The following FHIP2B variants were observed in gnomAD, a reference collection of about 807,000 sequenced individuals.
FHIP2B encodes the protein FHF complex subunit HOOK-interacting protein 2B.
Under a neutral mutation model 84.0 loss-of-function variants are expected in FHIP2B, and 72 were observed. The ratio of observed to expected loss-of-function variants is 0.86; its 90% CI spans 0.71 to 1.04. The LOEUF is 1.04. FHIP2B is among the 50% of genes least tolerant of loss of function. The pLI is 0.00. For missense variants in FHIP2B, 972 were observed against 968.9 expected (o/e 1.00, Z -0.04); for synonymous variants, 497 against 418.7 (o/e 1.19, Z -2.28).
At chr8:22,091,585 G>A (rs1398320539) in intron 1 of FHIP2B, among the ~76,000 whole-genome samples, 1 of 152,178 alleles carries the variant, frequency 6.6e-6, no homozygotes, top group Non-Finnish European at 1.5e-5. Flanking sequence ...TGGGTCTAGT[G>A]CCTTTGGTTT....
At chr8:22,090,777 A>AC (rs1825450008) in intron 1 of FHIP2B, among the ~76,000 whole-genome samples, 1 of 152,168 alleles carries the variant, frequency 6.6e-6, no homozygotes. Flanking sequence ...GGCATGCGGC[A>AC]CCACGCCAGG....
intron 7 of FHIP2B, 110 bp from the exon 8 acceptor site, chr8:22,098,838 A>G: frequency 2.9e-6 from 3 of 1,041,978 alleles, no homozygotes; most frequent in Non-Finnish European, 4.2e-6. Context: ...ACTGATCCCC[A>G]GCCACAGAGG....
Position 22,096,487 on chromosome 8 carries a change from T to C in FHIP2B, c.275T>C (p.Leu92Pro), listed in dbSNP as rs1278518577. Reference protein sequence around the residue: ...YLLQHKILETLCTLGKAEYPP... With the variant: ...YLLQHKILETPCTLGKAEYPP... ...CTGCAGCACAAGATCCTGGAGACTC[T>C]CTGCACGCTGGGCAAGGCCGAGGTG... The change falls in exon 3 of 17, where the codon CTC becomes CCC. Residue 92 changes from leucine (L) to proline (P), a missense_variant. Transcript: ENST00000289921. 6.5e-7 allele frequency: 1 copy of C among 1,546,664 alleles called. No homozygotes were observed. The highest frequency in any genetic ancestry group is 8.7e-7 in the Non-Finnish European group (1 of 1,144,252).
Position 22,098,280 on chromosome 8 carries a change from T to G in FHIP2B, c.738T>G (p.Ile246Met). 1 of 1,553,562 alleles carries G rather than the reference T, an allele frequency of 6.4e-7. No homozygotes were observed. The highest frequency in any genetic ancestry group is 8.7e-7 in the Non-Finnish European group (1 of 1,148,964). Residue 246 changes from isoleucine (I) to methionine (M), a missense_variant, in exon 6 of 17, where the codon ATT becomes ATG. By Grantham distance (10) the Ile-to-Met change is conservative (BLOSUM62 1). Transcript: ENST00000289921. ...LDGGTTESNL[I>M]TSLLGLCQSK... is the part of the protein sequence containing the mutation. ...GTGGGACCACAGAGAGCAACCTGATTACCTCCCTGCTTGGGCTGTGCCAGA... is the reference window on the plus strand; with the variant it reads ...GTGGGACCACAGAGAGCAACCTGATGACCTCCCTGCTTGGGCTGTGCCAGA...
intron 5 of FHIP2B, 58 bp downstream of exon 5, chr8:22,097,897 C>T: frequency 1.3e-6 from 2 of 1,592,148 alleles, no homozygotes; most frequent in East Asian, 2.3e-5. Flanking sequence ...GGCAAGCCCC[C>T]TCTGCCCTCC....
chr8:22,097,365 A>G, intron 3 of FHIP2B, 151 bp from the exon 4 acceptor site: 1 of 556,034 alleles, frequency 1.8e-6, no homozygotes, highest in Non-Finnish European at 3.3e-6. Context: ...CGGCTCTGAC[A>G]GGCGCTCTGT....
At chr8:22,102,144 G>A (rs1370352927) in intron 14 of FHIP2B, 31 bp from the exon 15 acceptor site, 4 of 1,613,034 alleles carry the variant, frequency 2.5e-6, no homozygotes, top group Non-Finnish European at 3.4e-6. Flanking sequence ...AGCCCTGCCA[G>A]CCCTCGGCTC....
Position 22,101,537 on chromosome 8 carries a change from G to T in FHIP2B, c.1707+7G>T, listed in dbSNP as rs772831469. 6.2e-7 allele frequency: 1 copy of T among 1,607,804 alleles called. No homozygotes were observed. Among genetic ancestry groups the T allele is most frequent in the South Asian group, 1.1e-5 (1 of 90,432 alleles). The stretch of plus-strand genomic sequence containing the variant: ...CCACGATGCTTATGGCCTGGTGAGT[G>T]GCTCCTGCTACCAGCTCCCACTTCC... On this transcript the variant is annotated splice_region_variant and intron_variant, in intron 13 of 16. Coordinates refer to ENST00000289921, the MANE Select transcript of FHIP2B (RefSeq NM_022749.7).
chr8:22,098,811 A>G, intron 7 of FHIP2B, 137 bp from the exon 8 acceptor site: 1 of 958,720 alleles, frequency 1.0e-6, no homozygotes, highest in South Asian at 1.6e-5. Context: ...GCCTCTGTCC[A>G]TAAAACCCCC....
Position 22,097,673 on chromosome 8 carries a change from C to T in FHIP2B, c.403-44C>T, listed in dbSNP as rs200052101. 3.4e-3 allele frequency: 5,415 copies of T among 1,608,260 alleles called. 13 individuals are homozygous for T. Among genetic ancestry groups the T allele is most frequent in the Non-Finnish European group, 4.2e-3 (4,887 of 1,177,420 alleles). On this transcript the variant is annotated intron_variant, in intron 4 of 16. Coordinates refer to ENST00000289921, the MANE Select transcript of FHIP2B (RefSeq NM_022749.7). ...CTGGGTGTGAGGCCCCCTCTCTCCCCTGCCACCCCTCTCCCCTCTGTTTCT... is the reference window on the plus strand; with the variant it reads ...CTGGGTGTGAGGCCCCCTCTCTCCCTTGCCACCCCTCTCCCCTCTGTTTCT...
intron 1 of FHIP2B, 21 bp downstream of exon 1, chr8:22,089,319 C>A: frequency 3.0e-6 from 3 of 1,004,680 alleles, no homozygotes; most frequent in Non-Finnish European, 3.6e-6. Flanking sequence ...CAGGGCCGGG[C>A]CGGGCCGCCG....
Position 22,102,975 on chromosome 8 carries a change from C to A in FHIP2B, c.*44C>A. On this transcript the variant is annotated 3_prime_UTR_variant, in exon 17 of 17. Transcript: ENST00000289921. The stretch of plus-strand genomic sequence containing the variant: ...GGAGACTCCTGTCCACACCTCTGCC[C>A]CAGAGCTGCCTCCTGCCTGGCACTG... 2 of 1,588,842 alleles carry A rather than the reference C, an allele frequency of 1.3e-6. No homozygotes were observed. Among genetic ancestry groups the A allele is most frequent in the Non-Finnish European group, 1.7e-6 (2 of 1,167,150 alleles).
chr8:22,095,309 T>C (rs1395269446), intron 2 of FHIP2B: 1 of 152,342 alleles, frequency 6.6e-6, no homozygotes, highest in Non-Finnish European at 1.5e-5. Context: ...CTTGGCACAG[T>C]TGGCATTGGA....
chr8:22,102,199 A>C lies in FHIP2B; in HGVS notation c.1876A>C (p.Thr626Pro). The change falls in exon 15 of 17, where the codon ACC (threonine) becomes CCC (proline). Residue 626 changes from threonine (T) to proline (P), a missense_variant. Thr to Pro is a conservative substitution (Grantham distance 38). Transcript: ENST00000289921. ...DQPYSLNLQV[T>P]SVLSRLALFP... Reference sequence around the variant, plus strand: ...GCCATACAGCCTGAACCTGCAGGTGACCTCGGTCCTGTCCCGGCTTGCCCT... The same window carrying C: ...GCCATACAGCCTGAACCTGCAGGTGCCCTCGGTCCTGTCCCGGCTTGCCCT... 3 of 1,613,364 alleles carry C rather than the reference A, an allele frequency of 1.9e-6. No individual in the cohort carries two copies. Among genetic ancestry groups the C allele is most frequent in the Non-Finnish European group, 2.5e-6 (3 of 1,179,830 alleles).
intron 1 of FHIP2B, among the ~76,000 whole-genome samples, chr8:22,092,688 C>T (rs77216833): frequency 0.011 from 1,714 of 151,720 alleles, 7 homozygotes; most frequent in Non-Finnish European, 0.013. Context: ...TCCGAAGTCT[C>T]GCCAGCCCAC....
Position 22,099,756 on chromosome 8 carries a change from C to A in FHIP2B, c.1204C>A (p.Gln402Lys), listed in dbSNP as rs1434805592. The A allele has an allele frequency of 4.4e-6, 7 of 1,607,920 alleles. No individual in the cohort carries two copies. The East Asian group carries it at 1.1e-4, about 26-fold the overall frequency. The stretch of plus-strand genomic sequence containing the variant: ...CGCCCTCCTCACAGCCATGCTGCGC[C>A]AGCTTCGCTCCCCTGCGCTGCTGCG... ...STALLTAMLR[Q>K]LRSPALLREA... The change falls in exon 10 of 17, where the codon CAG (glutamine) becomes AAG (lysine). Residue 402 changes from glutamine to lysine, a missense_variant. By Grantham distance (53) the Gln-to-Lys change is moderately conservative. Transcript: ENST00000289921.
chr8:22,100,481 A>G, intron 10 of FHIP2B, 113 bp from the exon 11 acceptor site: 1 of 1,222,494 alleles, frequency 8.2e-7, no homozygotes, highest in Non-Finnish European at 1.1e-6. Context: ...GCATCCAGCC[A>G]AGGGAGGTGA....
Position 22,091,793 on chromosome 8 carries a change from T to G in FHIP2B, c.45+2495T>G, listed in dbSNP as rs145392798. The stretch of plus-strand genomic sequence containing the variant: ...GCTAAAGGAGACCCCATCACAGAAA[T>G]TATGAGATAATTGTAGGGCTGGTGA... On this transcript the variant is annotated intron_variant, in intron 1 of 16. Transcript: ENST00000289921. Among the ~76,000 whole-genome samples, 561 of 152,286 alleles carry G rather than the reference T, an allele frequency of 3.7e-3. 4 individuals are homozygous for G. In the Middle Eastern group the frequency reaches 0.051, roughly 14 times the overall value.
chr8:22,092,747 C>T (rs1463490968), intron 1 of FHIP2B, among the ~76,000 whole-genome samples: 5 of 152,156 alleles, frequency 3.3e-5, no homozygotes, highest in African/African-American at 4.8e-5. Flanking sequence ...GGACTGTCTT[C>T]CTTCTCTTGT....
Sources: allele counts gnomAD v4.1 joint callset (sites outside exome capture counted in the v4.1 genomes callset), GRCh38; gene constraint gnomAD v4.1.1; transcripts MANE v1.5; gene names NCBI Gene and HGNC (gene_info 2026-07-23, HGNC 2026-07-21).